INSC: variants seen among roughly 807,000 people sequenced by gnomAD.
INSC encodes INSC spindle orientation adaptor protein.
In INSC, 67 loss-of-function variants were observed where a neutral mutation model predicts 58.6. That is an observed-to-expected ratio of 1.14 (90% CI 0.94 to 1.40). The LOEUF (loss-of-function observed/expected upper bound fraction) is 1.40, where lower values mean the gene tolerates loss of function less well. Ranked by LOEUF, INSC falls within the 40% of genes most tolerant of loss-of-function variation. INSC has a pLI of 0.00. For missense variants in INSC, 714 were observed against 692.0 expected (o/e 1.03, Z -0.36); for synonymous variants, 262 against 276.1 (o/e 0.95, Z 0.51).
At chr11:15,153,100 C>T (rs1018854349) in intron 2 of INSC, among the ~76,000 whole-genome samples, 4 of 152,160 alleles carry the variant, frequency 2.6e-5, no homozygotes, top group Admixed American at 2.6e-4. Flanking sequence ...TTGTATGGTG[C>T]CGTGTACTTG....
At chr11:15,113,119 C>CTCTCTCTTTCTT (rs1554899334), upstream of INSC, among the ~76,000 whole-genome samples, 6 of 73,264 alleles carry the variant, frequency 8.2e-5, no homozygotes, top group South Asian at 5.2e-4. Context: ...TTCTCTCTCT[C>CTCTCTCTTTCTT]TCTTTCTTTC....
At chr11:15,177,638 A>T (rs1256501895) in intron 4 of INSC, among the ~76,000 whole-genome samples, 1 of 152,234 alleles carries the variant, frequency 6.6e-6, no homozygotes, top group Non-Finnish European at 1.5e-5. Context: ...TTTCACACAC[A>T]TAAACCTACA....
At chr11:15,124,436 T>A (rs563839581) in intron 1 of INSC, among the ~76,000 whole-genome samples, 7 of 152,298 alleles carry the variant, frequency 4.6e-5, no homozygotes, top group Non-Finnish European at 8.8e-5. Flanking sequence ...CAGGTAGATA[T>A]AAGATAGACT....
chr11:15,238,954 C>A lies in INSC; in HGVS notation c.1273C>A (p.Pro425Thr). The A allele has an allele frequency of 6.2e-7, 1 of 1,614,110 alleles. No homozygotes were observed. The highest frequency in any genetic ancestry group is 8.5e-7 in the Non-Finnish European group (1 of 1,179,980). Residue 425 changes from proline (P) to threonine (T), a missense_variant, in exon 11 of 13, where the codon CCA becomes ACA. Pro to Thr is a conservative substitution (Grantham distance 38, BLOSUM62 -1). Transcript: ENST00000379556. ...QLIMGMLSEK[P>T]RSGTPAEVAA... ...TATCATGGGCATGCTGTCTGAAAAACCAAGGTCTGGGACTCCTGCTGAAGT... is the reference window on the plus strand; with the variant it reads ...TATCATGGGCATGCTGTCTGAAAAAACAAGGTCTGGGACTCCTGCTGAAGT...
the INSC span, among the ~76,000 whole-genome samples, chr11:15,253,236 G>A: frequency 6.6e-6 from 1 of 152,078 alleles, no homozygotes; most frequent in Non-Finnish European, 1.5e-5. Context: ...TTTTGCTTGG[G>A]GTAAGGAGGG....
chr11:15,181,028 A>T (rs1171833789), intron 5 of INSC, among the ~76,000 whole-genome samples: 2 of 152,218 alleles, frequency 1.3e-5, no homozygotes, highest in African/African-American at 4.8e-5. Flanking sequence ...TAATTATACC[A>T]GGATCTTACA....
intron 1 of INSC, among the ~76,000 whole-genome samples, chr11:15,135,087 C>T (rs548495083): frequency 1.3e-5 from 2 of 152,134 alleles, no homozygotes; most frequent in East Asian, 3.9e-4. Context: ...AGTCCTGAGG[C>T]ATTGGAATTA....
At chr11:15,176,293 ATC>A (rs1036268632) in intron 3 of INSC, among the ~76,000 whole-genome samples, 1 of 151,760 alleles carries the variant, frequency 6.6e-6, no homozygotes, top group African/African-American at 2.4e-5. Flanking sequence ...TTTTACATGT[ATC>A]TCATTTAACC....
At chr11:15,244,282 C>T (rs1040806784) in intron 12 of INSC, among the ~76,000 whole-genome samples, 1 of 152,118 alleles carries the variant, frequency 6.6e-6, no homozygotes, top group African/African-American at 2.4e-5. Context: ...GTAAACCACG[C>T]CCCATGAGAG....
chr11:15,235,752 C>A, intron 10 of INSC, 84 bp downstream of exon 10: 2 of 1,159,162 alleles, frequency 1.7e-6, no homozygotes, highest in Non-Finnish European at 2.6e-6. Context: ...AATGCCTGTG[C>A]AGGTATGTAA....
chr11:15,256,138 C>A, the INSC span, among the ~76,000 whole-genome samples: 1 of 152,252 alleles, frequency 6.6e-6, no homozygotes, highest in African/African-American at 2.4e-5. Context: ...ACAGGGAAGG[C>A]AGGGGAAAGA....
chr11:15,131,655 T>C (rs76354737), intron 1 of INSC, among the ~76,000 whole-genome samples: 4,987 of 152,272 alleles, frequency 0.033, 287 homozygotes, highest in African/African-American at 0.11. Context: ...CTATTAGGTA[T>C]ATCATCATTA....
chr11:15,229,984 TATATATATATATATATATATATATATATA>T lies in INSC; in HGVS notation c.1170+4184_1170+4212del, dbSNP rs1564917346. On this transcript the variant is annotated intron_variant, in intron 9 of 12. Coordinates refer to ENST00000379556, the MANE Select transcript of INSC (RefSeq NM_001042536.3). ...TTTATATATATATATATATATTATA[TATATATATATATATATATATATATATATA>T]ATATATATATATATATATATATATA... Among the ~76,000 whole-genome samples the T allele has an allele frequency of 6.5e-3, 158 of 24,492 alleles. 7 individuals carry two copies. Among genetic ancestry groups the T allele is most frequent in the African/African-American group, 0.018 (99 of 5,656 alleles). 16.1% of individuals were successfully genotyped at this position (24,492 alleles called of 152,430 possible). A position where few individuals can be genotyped will look rare whatever the true frequency, so the allele number is the denominator to read the frequency against.
intron 2 of INSC, among the ~76,000 whole-genome samples, chr11:15,162,825 C>A (rs147191476): frequency 6.6e-6 from 1 of 152,070 alleles, no homozygotes; most frequent in Non-Finnish European, 1.5e-5. Context: ...GAATAAAGTT[C>A]TATGAGAGGG....
chr11:15,230,014 A>ATATTATATATATATTATATATATATATAT (rs1554926992), intron 9 of INSC, among the ~76,000 whole-genome samples: 21 of 9,276 alleles, frequency 2.3e-3, no homozygotes, highest in African/African-American at 5.1e-3. Flanking sequence ...TATATATATA[A>ATATTATATATATATTATATATATATATAT]TATATATATA....
At chr11:15,127,649 C>G (rs185643690) in intron 1 of INSC, among the ~76,000 whole-genome samples, 1 of 152,142 alleles carries the variant, frequency 6.6e-6, no homozygotes, top group Non-Finnish European at 1.5e-5. Flanking sequence ...TCCCTCATTG[C>G]GTTCCATGTT....
intron 5 of INSC, among the ~76,000 whole-genome samples, chr11:15,189,292 C>G (rs147424073): frequency 6.6e-6 from 1 of 152,090 alleles, no homozygotes; most frequent in Admixed American, 6.6e-5. Context: ...TTTAGAAATC[C>G]TTTATATATA....
At chr11:15,226,153 C>T (rs534644288) in intron 9 of INSC, among the ~76,000 whole-genome samples, 10 of 152,198 alleles carry the variant, frequency 6.6e-5, no homozygotes, top group African/African-American at 2.4e-4. Flanking sequence ...TAGGGCCTTC[C>T]TCAATCTCTG....
chr11:15,230,027 T>C (rs1851864470), intron 9 of INSC, among the ~76,000 whole-genome samples: 1 of 64,908 alleles, frequency 1.5e-5, no homozygotes, highest in Non-Finnish European at 2.9e-5. Flanking sequence ...TATATATATA[T>C]ATATATATAT....
Sources: allele counts gnomAD v4.1 joint callset (sites outside exome capture counted in the v4.1 genomes callset), GRCh38; gene constraint gnomAD v4.1.1; transcripts MANE v1.5; gene names NCBI Gene and HGNC (gene_info 2026-07-23, HGNC 2026-07-21).